Variants in C13orf46 observed in about 807,000 individuals in gnomAD.
C13orf46 encodes the protein uncharacterized protein C13orf46.
At chr13:113,951,893 C>A (rs2052490277), downstream of C13orf46, among the ~76,000 whole-genome samples, 1 of 152,250 alleles carries the variant, frequency 6.6e-6, no homozygotes, top group African/African-American at 2.4e-5. Flanking sequence ...CAGGGCCTGG[C>A]AGGGGCCACA....
the C13orf46 span, among the ~76,000 whole-genome samples, chr13:113,936,762 G>A: frequency 7.9e-5 from 12 of 152,068 alleles, no homozygotes; most frequent in African/African-American, 2.9e-4. Context: ...TGGTCCTTGT[G>A]CCCCGAGTCG....
In C13orf46 at chr13:113,971,692, C is replaced by T. The variant is rs577883114; in HGVS notation, c.191-1470G>A. ...AGGCCTCCCTGTGAAGTGGACGCGG[C>T]GTCTCACACATCCGGGCACCTGTGG... On this transcript the variant is annotated intron_variant, in intron 1 of 6. Transcript: ENST00000636427. Among the ~76,000 whole-genome samples, 11 of 152,332 alleles carry T rather than the reference C, an allele frequency of 7.2e-5. No homozygotes were observed. In the East Asian group the frequency reaches 1.2e-3, roughly 16 times the overall value.
At chr13:113,945,167 T>G in the C13orf46 span, among the ~76,000 whole-genome samples, 3 of 152,100 alleles carry the variant, frequency 2.0e-5, no homozygotes, top group Admixed American at 1.3e-4. Context: ...CGTGGGCCGT[T>G]CCGGGTTTCA....
At chr13:113,938,887 C>A in the C13orf46 span, among the ~76,000 whole-genome samples, 1 of 152,086 alleles carries the variant, frequency 6.6e-6, no homozygotes, top group Non-Finnish European at 1.5e-5. Flanking sequence ...CAGCTTGGGC[C>A]TCACGCCCAG....
chr13:113,946,241 A>G, the C13orf46 span, among the ~76,000 whole-genome samples: 1 of 152,200 alleles, frequency 6.6e-6, no homozygotes, highest in East Asian at 1.9e-4. Flanking sequence ...AATTGGACCA[A>G]CGTCGCGTGG....
chr13:113,928,227 G>A, the C13orf46 span: 1 of 152,282 alleles, frequency 6.6e-6, no homozygotes, highest in African/African-American at 2.4e-5. Flanking sequence ...CCATCGTGGA[G>A]GGGGGCGCAT....
the C13orf46 span, among the ~76,000 whole-genome samples, chr13:113,942,723 G>A: frequency 5.8e-4 from 88 of 152,228 alleles, no homozygotes; most frequent in African/African-American, 2.0e-3. Context: ...ACGGCAGGGC[G>A]CGGTAGGAAC....
intron 6 of C13orf46, among the ~76,000 whole-genome samples, chr13:113,963,537 CCT>C (rs878916443): frequency 0.26 from 33,744 of 129,186 alleles, 6,037 homozygotes; most frequent in East Asian, 0.41. Flanking sequence ...CAGCCTCACC[CCT>C]GTCCTCAGCC....
At chr13:113,971,198 C>G (rs576574222) in intron 1 of C13orf46, among the ~76,000 whole-genome samples, 36 of 152,298 alleles carry the variant, frequency 2.4e-4, no homozygotes, top group African/African-American at 7.9e-4. Context: ...CACAACACCC[C>G]CTTGGCCCGG....
chr13:113,963,834 T>A (rs1464224321), intron 6 of C13orf46, among the ~76,000 whole-genome samples: 1 of 152,226 alleles, frequency 6.6e-6, no homozygotes, highest in Non-Finnish European at 1.5e-5. Context: ...AAATGACTGG[T>A]TAAAATGTTA....
chr13:113,964,312 C>T (rs2052616440), intron 6 of C13orf46, among the ~76,000 whole-genome samples: 9 of 152,210 alleles, frequency 5.9e-5, no homozygotes. Context: ...CCATGGGCCC[C>T]CTTCAATGGG....
the C13orf46 span, among the ~76,000 whole-genome samples, chr13:113,944,667 G>A: frequency 8.7e-6 from 1 of 114,980 alleles, no homozygotes; most frequent in Non-Finnish European, 1.8e-5. Context: ...GGTGTGTGAT[G>A]GATCCTCCAG....
intron 6 of C13orf46, among the ~76,000 whole-genome samples, chr13:113,959,364 G>A (rs1043770953): frequency 2.6e-5 from 4 of 152,164 alleles, no homozygotes; most frequent in Non-Finnish European, 5.9e-5. Context: ...GGATGTGTGA[G>A]GTTGTCTGAT....
chr13:113,970,510 C>T, intron 1 of C13orf46: 1 of 152,458 alleles, frequency 6.6e-6, no homozygotes, highest in Non-Finnish European at 1.5e-5. Flanking sequence ...GCATGGCCAG[C>T]CGCCTTACAG....
chr13:113,945,596 A>G, the C13orf46 span, among the ~76,000 whole-genome samples: 1 of 134,998 alleles, frequency 7.4e-6, no homozygotes, highest in South Asian at 2.4e-4. Flanking sequence ...AGAGAGAGAA[A>G]GAAAGAAAGA....
chr13:113,947,200 TTCC>T, the C13orf46 span, among the ~76,000 whole-genome samples: 3 of 152,152 alleles, frequency 2.0e-5, no homozygotes, highest in East Asian at 5.8e-4. Flanking sequence ...TAAAATTTGG[TTCC>T]TCAATGCTGC....
intron 6 of C13orf46, among the ~76,000 whole-genome samples, chr13:113,963,123 G>A (rs1049900877): frequency 1.9e-3 from 287 of 152,314 alleles, no homozygotes; most frequent in Non-Finnish European, 3.5e-3. Flanking sequence ...AGCTGGCCCT[G>A]GGCAAGGATG....
At chr13:113,933,676 G>T in the C13orf46 span, among the ~76,000 whole-genome samples, 2 of 152,150 alleles carry the variant, frequency 1.3e-5, no homozygotes, top group Admixed American at 6.5e-5. Flanking sequence ...TCAGTTCTCA[G>T]TATATAGGAC....
intron 6 of C13orf46, among the ~76,000 whole-genome samples, chr13:113,960,511 A>G (rs2052578911): frequency 6.6e-6 from 1 of 152,102 alleles, no homozygotes; most frequent in Non-Finnish European, 1.5e-5. Flanking sequence ...TCCCCTTAAG[A>G]AGGCCTGGGA....
Sources: gnomAD v4.1 joint callset for allele counts (sites outside exome capture counted in the v4.1 genomes callset) on GRCh38, gnomAD v4.1.1 for gene constraint, MANE v1.5 for transcripts, NCBI Gene and HGNC (gene_info 2026-07-23, HGNC 2026-07-21) for gene names.